The following AGR3 variants were observed in gnomAD, a reference collection of about 807,000 sequenced individuals.
The protein encoded by AGR3 is anterior gradient 3, protein disulphide isomerase family member.
Under a neutral mutation model 24.5 loss-of-function variants are expected in AGR3, and 37 were observed. That is an observed-to-expected ratio of 1.51 (90% confidence interval 1.16 to 1.99). The LOEUF (loss-of-function observed/expected upper bound fraction) is 1.99. Ranked by LOEUF, AGR3 falls within the 30% of genes most tolerant of loss-of-function variation. AGR3 has a pLI of 0.00. For synonymous variants in AGR3, 75 were observed against 61.6 expected, an observed-to-expected ratio of 1.22 and a Z score of -1.02; for missense variants, 228 against 191.1, an observed-to-expected ratio of 1.19 and a Z score of -1.14.
chr7:16,859,016 T>C (rs1781589624), downstream of AGR3, among the ~76,000 whole-genome samples: 3 of 152,218 alleles, frequency 2.0e-5, no homozygotes, highest in Admixed American at 2.0e-4. Flanking sequence ...GACAGAGATT[T>C]ATCCACTTGT....
intron 3 of AGR3, chr7:16,864,831 A>G: frequency 3.4e-6 from 3 of 882,876 alleles, no homozygotes; most frequent in East Asian, 2.4e-5. Flanking sequence ...TAGATGTCCT[A>G]TATTTCCTGA....
intron 3 of AGR3, chr7:16,866,290 TA>T: frequency 1.8e-6 from 1 of 548,470 alleles, no homozygotes; most frequent in Non-Finnish European, 3.6e-6. Context: ...ATCTTTGGTC[TA>T]AGAAAAGTTT....
At chr7:16,880,555 C>G (rs1210159458) in intron 1 of AGR3, among the ~76,000 whole-genome samples, 10 of 119,420 alleles carry the variant, frequency 8.4e-5, no homozygotes, top group Non-Finnish European at 1.7e-4. Flanking sequence ...CTCTCCCCTC[C>G]TTTCCCCTCC....
rs1211412355 is a variant in AGR3, at chr7:16,859,561, A to G, written c.*21T>C. The G allele has an allele frequency of 1.3e-6, 2 of 1,527,210 alleles. No homozygotes were observed. Among genetic ancestry groups the G allele is most frequent in the South Asian group, 1.2e-5 (1 of 84,616 alleles). 94.6% of individuals were successfully genotyped at this position (1,527,210 alleles called of 1,614,324 possible). A position where few individuals can be genotyped will look rare whatever the true frequency, so the allele number is the denominator to read the frequency against. On this transcript the variant is annotated 3_prime_UTR_variant, in exon 8 of 8. Transcript: ENST00000310398. Reference sequence around the variant, plus strand: ...CATGAAATTTGACTTCTTTGAAGTGAAGGCTTTTTTCCATCATCTCTTATA... The same window carrying G: ...CATGAAATTTGACTTCTTTGAAGTGGAGGCTTTTTTCCATCATCTCTTATA...
chr7:16,861,488 T>G, intron 5 of AGR3, 41 bp from the exon 6 acceptor site: 1 of 1,525,194 alleles, frequency 6.6e-7, no homozygotes. Context: ...TTGGATTCAT[T>G]TGTTTTTGAT....
chr7:16,879,047 C>G (rs1354731042), intron 1 of AGR3, among the ~76,000 whole-genome samples: 1 of 152,158 alleles, frequency 6.6e-6, no homozygotes, highest in Admixed American at 6.5e-5. Flanking sequence ...CCTTTTGATT[C>G]TCCTTCATCT....
At chr7:16,864,139 A>G (rs1781703597) in intron 3 of AGR3, 1 of 541,002 alleles carries the variant, frequency 1.8e-6, no homozygotes, top group Non-Finnish European at 3.1e-6. Flanking sequence ...ATGAAAGACT[A>G]CAGGAACGGA....
intron 3 of AGR3, chr7:16,864,277 C>G: frequency 1.5e-6 from 2 of 1,346,910 alleles, no homozygotes; most frequent in Non-Finnish European, 2.1e-6. Flanking sequence ...TGTCCCATCA[C>G]TCTCATAGTC....
chr7:16,865,849 C>T, intron 3 of AGR3: 3 of 738,542 alleles, frequency 4.1e-6, no homozygotes, highest in Non-Finnish European at 2.5e-6. Flanking sequence ...GAATACCATT[C>T]TCCTTTGATA....
At chr7:16,864,847 G>C (rs1238145558) in intron 3 of AGR3, 8 of 869,118 alleles carry the variant, frequency 9.2e-6, no homozygotes, top group Non-Finnish European at 1.4e-5. Context: ...CCTGAGTAAA[G>C]AGCGTGTATT....
intron 3 of AGR3, chr7:16,866,188 C>T: frequency 3.8e-6 from 2 of 531,842 alleles, no homozygotes; most frequent in South Asian, 2.9e-5. Context: ...TTATTCACAC[C>T]TAATGATGTG....
chr7:16,857,227 T>C (rs1382912721), downstream of AGR3, among the ~76,000 whole-genome samples: 6 of 152,140 alleles, frequency 3.9e-5, no homozygotes, highest in African/African-American at 1.4e-4. Flanking sequence ...TTATGGAATA[T>C]TTATATGTAA....
chr7:16,876,996 G>A (rs1222634682), intron 2 of AGR3, among the ~76,000 whole-genome samples: 1 of 151,976 alleles, frequency 6.6e-6, no homozygotes, highest in Non-Finnish European at 1.5e-5. Flanking sequence ...GAGAGATAGA[G>A]TTATGTTTAG....
chr7:16,881,541 G>T (rs552191773), intron 1 of AGR3, among the ~76,000 whole-genome samples: 1 of 152,124 alleles, frequency 6.6e-6, no homozygotes, highest in Non-Finnish European at 1.5e-5. Flanking sequence ...CCATATGTCA[G>T]CAATTAGATT....
intron 2 of AGR3, among the ~76,000 whole-genome samples, chr7:16,875,502 G>A (rs999128693): frequency 1.3e-5 from 2 of 151,910 alleles, no homozygotes; most frequent in East Asian, 1.9e-4. Flanking sequence ...TTATTTATCT[G>A]TTCATCAGTT....
At chr7:16,864,704 A>G in intron 3 of AGR3, 3 of 1,552,860 alleles carry the variant, frequency 1.9e-6, no homozygotes, top group Non-Finnish European at 2.7e-6. Flanking sequence ...TTTTCCCCAT[A>G]CTTTTTATGT....
intron 3 of AGR3, chr7:16,866,248 G>A: frequency 1.9e-6 from 1 of 524,766 alleles, no homozygotes; most frequent in Non-Finnish European, 3.8e-6. Flanking sequence ...TTGAATGATG[G>A]GTCAATCCAG....
At position 16,860,525 on chromosome 7, in the gene AGR3, T is replaced by C. The variant is rs766886310; in HGVS notation, c.426A>G (p.Thr142=). Residue 142 remains threonine, a synonymous_variant, in exon 7 of 8, where the codon ACA becomes ACG. Transcript: ENST00000310398. ...ATAGGGGTAAATCCCGAGGCTCATA[T>C]GTGTACAATCTGTTAGAGTATCTTC... ...IAGRYSNRLY[T]YEPRDLPLLI... is the part of the protein sequence containing the mutation. The C allele has an allele frequency of 1.2e-6, 2 of 1,613,698 alleles. No individual in the cohort carries two copies. The highest frequency in any genetic ancestry group is 2.2e-5 in the East Asian group (1 of 44,878).
At chr7:16,873,495 G>A (rs183729109) in intron 3 of AGR3, 2 of 268,940 alleles carry the variant, frequency 7.4e-6, no homozygotes, top group East Asian at 1.5e-4. Context: ...CAAAAATATA[G>A]CTAGATAGGA....
Sources: allele counts gnomAD v4.1 joint callset (sites outside exome capture counted in the v4.1 genomes callset), GRCh38; gene constraint gnomAD v4.1.1; transcripts MANE v1.5; gene names NCBI Gene and HGNC (gene_info 2026-07-23, HGNC 2026-07-21).